BCAS3: variants seen among roughly 807,000 people sequenced by gnomAD.
BCAS3 encodes the protein BCAS4/BCAS3 fusion.
BCAS3 carries 53 observed loss-of-function variants against 116.1 expected under a neutral mutation model. The observed-to-expected ratio is 0.46, with a 90% CI of 0.37 to 0.57. The LOEUF (loss-of-function observed/expected upper bound fraction) is 0.57. BCAS3 is among the 20% of genes least tolerant of loss of function. The pLI is 0.00. For missense variants in BCAS3, 917 were observed against 1,165.4 expected (o/e 0.79, Z 3.10); for synonymous variants, 391 against 408.2 (o/e 0.96, Z 0.51).
chr17:60,768,034 A>G (rs2044290129), intron 6 of BCAS3, among the ~76,000 whole-genome samples: 1 of 152,176 alleles, frequency 6.6e-6, no homozygotes, highest in South Asian at 2.1e-4. Context: ...TACTGGCCTC[A>G]AGCAATCCTG....
In BCAS3 at chr17:60,993,341, C is replaced by T. The variant is rs1208277666; in HGVS notation, c.1486+3106C>T. On this transcript the variant is annotated intron_variant, in intron 15 of 23. Transcript: ENST00000407086. This position sits in a 1 kb window ranked among gnomAD's most constrained non-coding sequence, Gnocchi z 4.2. ...GTCAAAATATATTGTTTTCTCTCAG[C>T]TTTATTGCTTTCATGTCTCTCTGCA... 6.6e-6 allele frequency among the ~76,000 whole-genome samples: 1 copy of T among 152,214 alleles called. No homozygotes were observed. The highest frequency in any genetic ancestry group is 1.9e-4 in the East Asian group (1 of 5,186).
chr17:61,247,613 T>C (rs1197987986), intron 22 of BCAS3, among the ~76,000 whole-genome samples: 6 of 152,200 alleles, frequency 3.9e-5, no homozygotes, highest in African/African-American at 9.6e-5. Flanking sequence ...AAGAGCAGCA[T>C]TGACCATGTG....
intron 22 of BCAS3, among the ~76,000 whole-genome samples, chr17:61,231,006 C>G (rs1001273069): frequency 7.2e-6 from 1 of 139,822 alleles, no homozygotes. Flanking sequence ...TCACTATGTT[C>G]CCCAGGCTAG....
chr17:61,055,344 A>G (rs1600821856), intron 19 of BCAS3, among the ~76,000 whole-genome samples: 1 of 152,206 alleles, frequency 6.6e-6, no homozygotes, highest in South Asian at 2.1e-4. Flanking sequence ...GTATTTGTCT[A>G]TCAGAGTTAG....
At chr17:60,820,621 G>A (rs2049874191) in intron 7 of BCAS3, among the ~76,000 whole-genome samples, 1 of 152,004 alleles carries the variant, frequency 6.6e-6, no homozygotes, top group African/African-American at 2.4e-5. Context: ...TACAAAATTA[G>A]AACATTTAAA....
chr17:61,010,342 A>G (rs753483462), intron 15 of BCAS3, among the ~76,000 whole-genome samples: 1 of 152,014 alleles, frequency 6.6e-6, no homozygotes, highest in South Asian at 2.1e-4. Context: ...AGATCACACC[A>G]TGTCATTCTC....
intron 22 of BCAS3, among the ~76,000 whole-genome samples, chr17:61,334,125 C>G (rs1401222082): frequency 6.6e-6 from 1 of 152,160 alleles, no homozygotes; most frequent in African/African-American, 2.4e-5. Context: ...GATATGTAGA[C>G]AGATGATCAT....
At chr17:60,898,980 G>A (rs1158871418) in intron 10 of BCAS3, among the ~76,000 whole-genome samples, 2 of 152,114 alleles carry the variant, frequency 1.3e-5, no homozygotes, top group African/African-American at 4.8e-5. Flanking sequence ...ACCCAAAGAA[G>A]TGGATTGGTT....
At chr17:61,074,653 A>G (rs1400088176) in intron 19 of BCAS3, among the ~76,000 whole-genome samples, 1 of 152,194 alleles carries the variant, frequency 6.6e-6, no homozygotes, top group East Asian at 1.9e-4. Flanking sequence ...TCTTCAGTGT[A>G]CTTTTGCTAT....
At position 61,173,177 on chromosome 17, in the gene BCAS3, C is replaced by T. The variant is rs769941304; in HGVS notation, c.2425+88613C>T. 8.6e-5 allele frequency among the ~76,000 whole-genome samples: 13 copies of T among 151,944 alleles called. No homozygotes were observed. In the East Asian group the frequency reaches 2.1e-3, roughly 25 times the overall value. The stretch of plus-strand genomic sequence containing the variant: ...TTAGAAATTGTTTTGAGGCTGGGCA[C>T]GGTGGCTCATGCCTGTTATTCCTAG... On this transcript the variant is annotated intron_variant, in intron 22 of 23. Coordinates refer to ENST00000407086, the MANE Select transcript of BCAS3 (RefSeq NM_017679.5).
intron 8 of BCAS3, among the ~76,000 whole-genome samples, 191 bp from the exon 9 acceptor site, chr17:60,874,471 T>G (rs1352937654): frequency 6.6e-6 from 1 of 152,206 alleles, no homozygotes; most frequent in African/African-American, 2.4e-5. Flanking sequence ...TATAGGATTT[T>G]GTGGTTTATA....
chr17:60,792,227 C>T (rs2046835246), intron 6 of BCAS3, among the ~76,000 whole-genome samples: 1 of 152,220 alleles, frequency 6.6e-6, no homozygotes. Flanking sequence ...TCCTGGGCTG[C>T]ATGCTCCACG....
intron 6 of BCAS3, among the ~76,000 whole-genome samples, chr17:60,799,137 T>C (rs1300476784): frequency 6.6e-6 from 1 of 152,208 alleles, no homozygotes; most frequent in East Asian, 1.9e-4. Context: ...ACTTTTTACA[T>C]GTACTTTTTA....
rs2058618322 is a variant in BCAS3, at chr17:61,364,342, G to A, written c.2426-3985G>A. Among the ~76,000 whole-genome samples, 1 of 152,196 alleles carries A rather than the reference G, an allele frequency of 6.6e-6. No homozygotes were observed. The highest frequency in any genetic ancestry group is 1.5e-5 in the Non-Finnish European group (1 of 68,044). Reference sequence around the variant, plus strand: ...CAAGCAACTCGGGCTGGTTGGGAGTGGGAAGGGTTTTTAAATGTCATTGGT... The same window carrying A: ...CAAGCAACTCGGGCTGGTTGGGAGTAGGAAGGGTTTTTAAATGTCATTGGT... On this transcript the variant is annotated intron_variant, in intron 22 of 23. Transcript: ENST00000407086. This position sits in a 1 kb window ranked among gnomAD's most constrained non-coding sequence, Gnocchi z 5.4.
chr17:60,730,271 A>G (rs908456094), intron 5 of BCAS3, among the ~76,000 whole-genome samples: 2 of 152,194 alleles, frequency 1.3e-5, no homozygotes, highest in Admixed American at 1.3e-4. Context: ...AAATATGATT[A>G]CAAGTTCCAT....
intron 22 of BCAS3, among the ~76,000 whole-genome samples, chr17:61,120,429 A>C (rs1171799025): frequency 6.6e-6 from 1 of 152,130 alleles, no homozygotes; most frequent in East Asian, 1.9e-4. Flanking sequence ...CCTCCTCAAA[A>C]GAATAACTAT....
Position 61,392,059 on chromosome 17 carries a change from C to T in BCAS3, c.2676C>T (p.Gly892=), listed in dbSNP as rs1291969128. The change falls in exon 24 of 24, where the codon GGC becomes GGT. Residue 892 remains glycine, a synonymous_variant. Transcript: ENST00000407086. This position sits in a 1 kb window ranked among gnomAD's most constrained non-coding sequence, Gnocchi z 6.4. ...TSGSIPRNFD[G]YRSPLPTNES... is the part of the protein sequence containing the mutation. ...GCAGCATACCAAGAAACTTTGATGG[C>T]TACCGATCTCCGCTGCCCACCAATG... 1.2e-6 allele frequency: 2 copies of T among 1,613,732 alleles called. No homozygotes were observed. Among genetic ancestry groups the T allele is most frequent in the Non-Finnish European group, 1.7e-6 (2 of 1,180,028 alleles).
chr17:61,069,796 A>G (rs2071122642), intron 19 of BCAS3: 1 of 696,908 alleles, frequency 1.4e-6, no homozygotes, highest in Non-Finnish European at 2.5e-6. Flanking sequence ...AGATCATGCC[A>G]CTGCACTCCA....
chr17:60,763,230 A>G (rs906374737), intron 6 of BCAS3, among the ~76,000 whole-genome samples: 3 of 152,108 alleles, frequency 2.0e-5, no homozygotes, highest in South Asian at 2.1e-4. Context: ...TTCCAACACT[A>G]TGTTGAATAG....
Sources: allele counts gnomAD v4.1 joint callset (sites outside exome capture counted in the v4.1 genomes callset), GRCh38; gene constraint gnomAD v4.1.1; non-coding constraint Gnocchi (gnomAD v3.1); transcripts MANE v1.5; gene names NCBI Gene and HGNC (gene_info 2026-07-23, HGNC 2026-07-21).